HMCN2: variants seen among roughly 807,000 people sequenced by gnomAD.
The protein encoded by HMCN2 is hemicentin 2.
In HMCN2, 325 loss-of-function variants were observed where a neutral mutation model predicts 377.5. The observed-to-expected ratio is 0.86, with a 90% CI of 0.79 to 0.94. The LOEUF (loss-of-function observed/expected upper bound fraction) is 0.94, where lower values mean the gene tolerates loss of function less well. Ranked by LOEUF, HMCN2 falls within the 40% of genes least tolerant of loss-of-function variation. The pLI is 0.00. For synonymous variants in HMCN2, 2,007 were observed against 2,046.8 expected, an observed-to-expected ratio of 0.98 and a Z score of 0.53; for missense variants, 4,543 against 4,725.3, an observed-to-expected ratio of 0.96 and a Z score of 1.13.
At chr9:130,274,569 A>G (rs563047448) in intron 1 of HMCN2, among the ~76,000 whole-genome samples, 304 of 152,214 alleles carry the variant, frequency 2.0e-3, no homozygotes, top group African/African-American at 7.0e-3. Context: ...TCAGTTAATA[A>G]TCCATTCCCT....
chr9:130,393,883 A>G lies in HMCN2; in HGVS notation c.10376A>G (p.Gln3459Arg). 1 of 1,289,608 alleles carries G rather than the reference A, an allele frequency of 7.8e-7. No homozygotes were observed. Among genetic ancestry groups the G allele is most frequent in the Non-Finnish European group, 1.0e-6 (1 of 988,798 alleles). 79.9% of individuals were successfully genotyped at this position (1,289,608 alleles called of 1,614,324 possible). ...WMKDGEPLLS[Q>R]SLEQGPSLQL... ...AAGGATGGGGAACCCTTGTTGTCCC[A>G]GAGCCTCGAGCAGGGGCCCAGCCTG... The change falls in exon 68 of 98, where the codon CAG (glutamine) becomes CGG (arginine). Residue 3459 changes from glutamine to arginine, a missense_variant. Coordinates refer to ENST00000683500, the MANE Select transcript of HMCN2 (RefSeq NM_001291815.2). The surrounding 1 kb of genome is among the most constrained non-coding windows in gnomAD (Gnocchi z 5.2).
chr9:130,350,929 G>T (rs1839681055), intron 29 of HMCN2, among the ~76,000 whole-genome samples: 1 of 152,094 alleles, frequency 6.6e-6, no homozygotes, highest in African/African-American at 2.4e-5. Flanking sequence ...GTGCAGTGTA[G>T]TGGCATTTAG....
intron 46 of HMCN2, among the ~76,000 whole-genome samples, chr9:130,371,557 A>G (rs1367459914): frequency 6.6e-6 from 1 of 152,194 alleles, no homozygotes; most frequent in East Asian, 1.9e-4. Flanking sequence ...GCTGGTATAC[A>G]AATGAGGAAC....
intron 37 of HMCN2, among the ~76,000 whole-genome samples, chr9:130,359,782 A>C (rs530919766): frequency 5.4e-4 from 82 of 152,274 alleles, no homozygotes; most frequent in African/African-American, 1.9e-3. Context: ...GGGTGTTTGC[A>C]TAGGGGACTG....
rs139334375 is a variant in HMCN2, at chr9:130,393,779, C to T, written c.10272C>T (p.Asp3424=). 1,501 of 1,280,298 alleles carry T rather than the reference C, an allele frequency of 1.2e-3. 8 individuals carry two copies. In the African/African-American group the frequency reaches 0.017, roughly 14 times the overall value. The allele number at this position is 1,280,298 out of a possible 1,614,324, so 79.3% of individuals were successfully genotyped here. Reference sequence around the variant, plus strand: ...TGGAGCCGGTGGAGTTCCAGAATGACGTGGTGGTGGTTCGTGGCTCCCTGG... The same window carrying T: ...TGGAGCCGGTGGAGTTCCAGAATGATGTGGTGGTGGTTCGTGGCTCCCTGG... ...PVLEPVEFQN[D]VVVVRGSLVE... The change falls in exon 68 of 98, where the codon GAC becomes GAT. Residue 3424 remains aspartate, a synonymous_variant. Transcript: ENST00000683500. This position sits in a 1 kb window ranked among gnomAD's most constrained non-coding sequence, Gnocchi z 5.2.
At chr9:130,364,941 G>C (rs1393456041) in intron 41 of HMCN2, 52 bp downstream of exon 41, 1 of 969,372 alleles carries the variant, frequency 1.0e-6, no homozygotes, top group African/African-American at 1.8e-5. Flanking sequence ...CCCAAGGGCA[G>C]GGTGGGGCCT....
chr9:130,426,749 T>G (rs986342840), intron 90 of HMCN2, among the ~76,000 whole-genome samples: 30 of 147,212 alleles, frequency 2.0e-4, no homozygotes, highest in African/African-American at 6.7e-4. Context: ...AACATTATGA[T>G]ATTTTTTGTG....
chr9:130,412,332 A>G (rs1843467607), intron 85 of HMCN2, among the ~76,000 whole-genome samples: 1 of 152,188 alleles, frequency 6.6e-6, no homozygotes. Flanking sequence ...AGTTCTTTAC[A>G]TAGCATGGAT....
At chr9:130,399,434 A>G in intron 75 of HMCN2, 77 bp from the exon 76 acceptor site, 2 of 1,180,214 alleles carry the variant, frequency 1.7e-6, no homozygotes, top group South Asian at 3.1e-5. Flanking sequence ...AATGGGCGTG[A>G]GACCCCCACA....
intron 1 of HMCN2, among the ~76,000 whole-genome samples, chr9:130,276,204 C>T (rs1158320246): frequency 6.6e-6 from 1 of 152,176 alleles, no homozygotes; most frequent in Non-Finnish European, 1.5e-5. Flanking sequence ...TAATCACTTA[C>T]TCCATCTTCA....
intron 54 of HMCN2, among the ~76,000 whole-genome samples, chr9:130,379,897 CAG>C (rs2131629401): frequency 2.0e-5 from 3 of 152,048 alleles, no homozygotes; most frequent in Admixed American, 2.0e-4. Flanking sequence ...TTTTTTGGGA[CAG>C]AGTTTCGCTC....
chr9:130,406,707 G>T (rs899154419), intron 82 of HMCN2: 3 of 157,412 alleles, frequency 1.9e-5, no homozygotes, highest in African/African-American at 7.2e-5. Context: ...CTCACCTGTG[G>T]TGAAGGCTTT....
In HMCN2 at chr9:130,394,342, A is replaced by G; in HGVS notation, c.10502-43A>G. The G allele has an allele frequency of 1.6e-6, 2 of 1,226,428 alleles. No individual in the cohort carries two copies. Among genetic ancestry groups the G allele is most frequent in the Non-Finnish European group, 2.1e-6 (2 of 933,770 alleles). 76.0% of individuals were successfully genotyped at this position (1,226,428 alleles called of 1,614,324 possible). The stretch of plus-strand genomic sequence containing the variant: ...GTTTTCAAGTGCGGTGCTGTCCCGG[A>G]AATGTGTGTCAATTGTGTGTTCCCC... On this transcript the variant is annotated intron_variant, in intron 68 of 97. Coordinates refer to ENST00000683500, the MANE Select transcript of HMCN2 (RefSeq NM_001291815.2). This position sits in a 1 kb window ranked among gnomAD's most constrained non-coding sequence, Gnocchi z 5.1.
At chr9:130,405,717 C>T (rs1450511317) in intron 81 of HMCN2, among the ~76,000 whole-genome samples, 1 of 152,232 alleles carries the variant, frequency 6.6e-6, no homozygotes, top group East Asian at 1.9e-4. Context: ...TTGGTAAACA[C>T]TGGCTATTGC....
At chr9:130,411,767 G>C (rs867278912) in intron 85 of HMCN2, among the ~76,000 whole-genome samples, 3 of 152,152 alleles carry the variant, frequency 2.0e-5, no homozygotes, top group Admixed American at 6.5e-5. Flanking sequence ...CAAAAGCATA[G>C]AGACCCAAAG....
intron 29 of HMCN2, among the ~76,000 whole-genome samples, chr9:130,350,404 A>AAG (rs1839644857): frequency 6.8e-6 from 1 of 147,400 alleles, no homozygotes; most frequent in Admixed American, 6.8e-5. Context: ...AAAAAAAAAA[A>AAG]GAAATAGCCA....
rs530763881 is a variant in HMCN2 at position 130,425,119 on chromosome 9, C to T, written c.13630C>T (p.Leu4544Phe). The change falls in exon 89 of 98, where the codon CTT becomes TTT. Residue 4544 changes from leucine to phenylalanine, a missense_variant. Around this residue, in one of 5 missense-constraint regions of HMCN2, gnomAD observed 1,155 missense variants for 1,157.7 expected, o/e 1.00. Coordinates refer to ENST00000683500, the MANE Select transcript of HMCN2 (RefSeq NM_001291815.2). ...CCCCGAGAGCCTGGCTGACGCAGAT[C>T]TTCAAGTGCAGGTCGGGGGTCAAGC... ...VVPESLADAD[L>F]QVQDFEEHYV... The T allele has an allele frequency of 6.5e-7, 1 of 1,549,024 alleles. No individual in the cohort carries two copies. The highest frequency in any genetic ancestry group is 8.7e-7 in the Non-Finnish European group (1 of 1,146,344).
chr9:130,270,295 GT>G lies in HMCN2; in HGVS notation c.259+4169del, dbSNP rs34000960. On this transcript the variant is annotated intron_variant, in intron 1 of 97. Coordinates refer to ENST00000683500, the MANE Select transcript of HMCN2 (RefSeq NM_001291815.2). ...GTTTTTTTTGTTTGTTTGTTTGTTT[GT>G]TTTTTTTTTTCCCTATCACAAAACC... 3.8e-4 allele frequency among the ~76,000 whole-genome samples: 18 copies of G among 47,558 alleles called. 2 individuals are homozygous for G. Among genetic ancestry groups the G allele is most frequent in the Non-Finnish European group, 6.0e-4 (15 of 24,976 alleles). 31.2% of individuals were successfully genotyped at this position (47,558 alleles called of 152,430 possible). A position where few individuals can be genotyped will look rare whatever the true frequency, so the allele number is the denominator to read the frequency against.
chr9:130,300,134 C>T (rs187951140), intron 8 of HMCN2, among the ~76,000 whole-genome samples: 218 of 151,992 alleles, frequency 1.4e-3, no homozygotes, highest in African/African-American at 5.2e-3. Context: ...CATCCATCCA[C>T]TCACCCATTC....
Sources: allele counts gnomAD v4.1 joint callset (sites outside exome capture counted in the v4.1 genomes callset), GRCh38; gene constraint gnomAD v4.1.1; regional missense constraint gnomAD v4.1.1; non-coding constraint Gnocchi (gnomAD v3.1); transcripts MANE v1.5; gene names NCBI Gene and HGNC (gene_info 2026-07-23, HGNC 2026-07-21).